The following CDIN1 variants were observed in gnomAD, a reference collection of about 807,000 sequenced individuals.
CDIN1 encodes CDAN1-interacting nuclease 1.
Under a neutral mutation model 45.3 loss-of-function variants are expected in CDIN1, and 33 were observed. That is an observed-to-expected ratio of 0.73 (90% CI 0.55 to 0.97). The LOEUF (loss-of-function observed/expected upper bound fraction) is 0.97, where lower values mean the gene tolerates loss of function less well. Among genes scored for constraint, CDIN1 ranks in the 50% least tolerant of loss-of-function variants. The pLI, the probability that CDIN1 is intolerant of heterozygous loss-of-function variation, is 0.00. For synonymous variants in CDIN1, 118 were observed against 124.4 expected, an observed-to-expected ratio of 0.95 and a Z score of 0.34; for missense variants, 303 against 339.4, an observed-to-expected ratio of 0.89 and a Z score of 0.84.
intron 1 of CDIN1, among the ~76,000 whole-genome samples, chr15:36,636,141 A>G (rs1030303127): frequency 1.3e-5 from 2 of 152,262 alleles, no homozygotes; most frequent in African/African-American, 4.8e-5. Flanking sequence ...CATAAAAAGC[A>G]AAGTTAAAAG....
rs778786501 is a variant in CDIN1 at position 36,709,873 on chromosome 15, A to G, written c.628A>G (p.Ile210Val). Reference sequence around the variant, plus strand: ...TCCCTTAGCTGTAGAAGGGCACATAATTCACTGGATTGAAAGCAAAGCCTC... The same window carrying G: ...TCCCTTAGCTGTAGAAGGGCACATAGTTCACTGGATTGAAAGCAAAGCCTC... ...QVPVAVEGHI[I>V]HWIESKASFG... The change falls in exon 10 of 11, where the codon ATT becomes GTT. Residue 210 changes from isoleucine (I) to valine (V), a missense_variant. Coordinates refer to ENST00000566621, the MANE Select transcript of CDIN1 (RefSeq NM_001321759.2). 6.2e-7 allele frequency: 1 copy of G among 1,613,372 alleles called. No individual in the cohort carries two copies. The highest frequency in any genetic ancestry group is 8.5e-7 in the Non-Finnish European group (1 of 1,179,466).
chr15:36,581,616 G>A (rs1253695830), intron 1 of CDIN1, among the ~76,000 whole-genome samples: 3 of 152,216 alleles, frequency 2.0e-5, no homozygotes, highest in South Asian at 2.1e-4. Flanking sequence ...GGTGGCTCAC[G>A]CCTGTAATCC....
chr15:36,617,838 C>A lies in CDIN1; in HGVS notation c.102-26440C>A, dbSNP rs2038969438. On this transcript the variant is annotated intron_variant, in intron 1 of 10. Coordinates refer to ENST00000566621, the MANE Select transcript of CDIN1 (RefSeq NM_001321759.2). ...CAGTCAGACACAGATACACAAAAGGCTTTTAAATCCTTAAGAGAAGAAGTT... is the reference window on the plus strand; with the variant it reads ...CAGTCAGACACAGATACACAAAAGGATTTTAAATCCTTAAGAGAAGAAGTT... 7.7e-6 allele frequency: 6 copies of A among 780,076 alleles called. No homozygotes were observed. The Admixed American group carries it at 1.0e-4, about 13-fold the overall frequency. 48.3% of individuals were successfully genotyped at this position (780,076 alleles called of 1,614,324 possible).
chr15:36,676,603 A>G (rs1232125874), intron 5 of CDIN1, among the ~76,000 whole-genome samples: 1 of 152,152 alleles, frequency 6.6e-6, no homozygotes, highest in Non-Finnish European at 1.5e-5. Context: ...CTTTCTTTTC[A>G]TAGACTATAA....
At chr15:36,700,078 TGGGGTTATG>T (rs1413433233) in intron 8 of CDIN1, among the ~76,000 whole-genome samples, 2 of 152,194 alleles carry the variant, frequency 1.3e-5, no homozygotes, top group East Asian at 3.9e-4. Flanking sequence ...TCTGCTTTCA[TGGGGTTATG>T]GTCCAGTAGG....
chr15:36,766,061 C>T (rs1177186928), intron 10 of CDIN1, among the ~76,000 whole-genome samples: 1 of 152,172 alleles, frequency 6.6e-6, no homozygotes, highest in Non-Finnish European at 1.5e-5. Context: ...ACAGCGACTT[C>T]CCCTTGCCTC....
intron 10 of CDIN1, among the ~76,000 whole-genome samples, chr15:36,774,163 T>TGTGTGTGTGTGCGCGC (rs149222188): frequency 5.7e-4 from 81 of 143,142 alleles, no homozygotes; most frequent in African/African-American, 2.1e-3. Flanking sequence ...TGTGTGTGTG[T>TGTGTGTGTGTGCGCGC]GCGCGCGCGC....
intron 10 of CDIN1, among the ~76,000 whole-genome samples, chr15:36,759,975 A>C (rs1177818176): frequency 6.6e-6 from 1 of 152,196 alleles, no homozygotes; most frequent in African/African-American, 2.4e-5. Context: ...ACACAATTCA[A>C]CATGAGATTT....
chr15:36,661,419 GT>G (rs529577273), intron 5 of CDIN1, among the ~76,000 whole-genome samples: 32 of 148,078 alleles, frequency 2.2e-4, no homozygotes, highest in Admixed American at 7.4e-4. Flanking sequence ...GTTTGGATGT[GT>G]TTTTTTTTTA....
intron 1 of CDIN1, among the ~76,000 whole-genome samples, chr15:36,584,145 A>G (rs577593796): frequency 6.6e-6 from 1 of 152,372 alleles, no homozygotes; most frequent in South Asian, 2.1e-4. Flanking sequence ...GATGGTGGTC[A>G]TAGTGGTGGT....
At chr15:36,704,288 T>G (rs1314902668) in intron 8 of CDIN1, 1 of 152,162 alleles carries the variant, frequency 6.6e-6, no homozygotes, top group Non-Finnish European at 1.5e-5. Flanking sequence ...TCCTTGTTAG[T>G]GGCTTTGATA....
In CDIN1 at chr15:36,808,551, C is replaced by T. The variant is rs918879702; in HGVS notation, c.*98C>T. ...AGATCCTGGCAACATCTGCCCTGAA[C>T]TTCAGCTGAACTCTTGCTGCCCGTA... On this transcript the variant is annotated 3_prime_UTR_variant, in exon 11 of 11. Coordinates refer to ENST00000566621, the MANE Select transcript of CDIN1 (RefSeq NM_001321759.2). The T allele has an allele frequency of 1.0e-5, 15 of 1,485,878 alleles. No homozygotes were observed. In the African/African-American group the frequency reaches 1.4e-4, roughly 14 times the overall value. 92.0% of individuals were successfully genotyped at this position (1,485,878 alleles called of 1,614,324 possible).
At chr15:36,639,260 T>TGG (rs2040013179) in intron 1 of CDIN1, among the ~76,000 whole-genome samples, 1 of 152,046 alleles carries the variant, frequency 6.6e-6, no homozygotes, top group African/African-American at 2.4e-5. Flanking sequence ...TGAAAATATT[T>TGG]GGGGAAAAAA....
intron 1 of CDIN1, among the ~76,000 whole-genome samples, chr15:36,604,456 C>CACACACACACAT (rs1241807342): frequency 1.3e-4 from 19 of 151,326 alleles, no homozygotes; most frequent in Non-Finnish European, 2.2e-4. Flanking sequence ...CACACACACA[C>CACACACACACAT]ATTTTAGAGT....
At chr15:36,608,501 C>G (rs1019437788) in intron 1 of CDIN1, among the ~76,000 whole-genome samples, 2 of 151,950 alleles carry the variant, frequency 1.3e-5, no homozygotes, top group East Asian at 3.8e-4. Context: ...ATTCTTTGTT[C>G]ATTTTCTAAT....
At chr15:36,779,947 A>G (rs2054308772) in intron 10 of CDIN1, among the ~76,000 whole-genome samples, 1 of 152,192 alleles carries the variant, frequency 6.6e-6, no homozygotes, top group African/African-American at 2.4e-5. Context: ...TGATGTGGTC[A>G]TACTGAGTAG....
At position 36,800,126 on chromosome 15, in the gene CDIN1, G is replaced by A. The variant is rs115108344; in HGVS notation, c.717-8198G>A. On this transcript the variant is annotated intron_variant, in intron 10 of 10. Transcript: ENST00000566621. Reference sequence around the variant, plus strand: ...AATAACATTTTCTTTGTGGCATAAAGGCCCAAAGTGAATCAGTATTTATCA... The same window carrying A: ...AATAACATTTTCTTTGTGGCATAAAAGCCCAAAGTGAATCAGTATTTATCA... Among the ~76,000 whole-genome samples, 1,137 of 152,138 alleles carry A rather than the reference G, an allele frequency of 7.5e-3. 10 individuals are homozygous for A. Among genetic ancestry groups the A allele is most frequent in the African/African-American group, 0.026 (1,093 of 41,512 alleles).
intron 10 of CDIN1, among the ~76,000 whole-genome samples, chr15:36,768,976 C>A (rs920346876): frequency 6.6e-6 from 1 of 151,810 alleles, no homozygotes; most frequent in African/African-American, 2.4e-5. Flanking sequence ...GAGAACTGGC[C>A]TGAGATCTGT....
intron 1 of CDIN1, chr15:36,614,162 G>A (rs2038778550): frequency 7.1e-6 from 5 of 699,976 alleles, no homozygotes; most frequent in South Asian, 5.5e-5. Context: ...GTACACAGAG[G>A]TTGCTGGACC....
Sources: gnomAD v4.1 joint callset for allele counts (sites outside exome capture counted in the v4.1 genomes callset) on GRCh38, gnomAD v4.1.1 for gene constraint, MANE v1.5 for transcripts, NCBI Gene and HGNC (gene_info 2026-07-23, HGNC 2026-07-21) for gene names.